Variants in MIPEP observed in about 807,000 individuals in gnomAD.
The protein encoded by MIPEP is mitochondrial intermediate peptidase.
Under a neutral mutation model 90.3 loss-of-function variants are expected in MIPEP, and 79 were observed. That is an observed-to-expected ratio of 0.87 (90% CI 0.73 to 1.05). The LOEUF is 1.05. Among genes scored for constraint, MIPEP ranks in the 50% least tolerant of loss-of-function variants. The pLI, the probability that MIPEP is intolerant of heterozygous loss-of-function variation, is 0.00. For synonymous variants in MIPEP, 334 were observed against 315.8 expected, an observed-to-expected ratio of 1.06 and a Z score of -0.61; for missense variants, 940 against 905.6, an observed-to-expected ratio of 1.04 and a Z score of -0.49.
At chr13:23,887,932 G>A (rs1314831208) in intron 1 of MIPEP, among the ~76,000 whole-genome samples, 1 of 152,026 alleles carries the variant, frequency 6.6e-6, no homozygotes, top group Non-Finnish European at 1.5e-5. Flanking sequence ...TTTGATTCAA[G>A]CACAGACTAC....
intron 18 of MIPEP, among the ~76,000 whole-genome samples, chr13:23,750,676 G>T (rs1388552857): frequency 6.6e-6 from 1 of 152,160 alleles, no homozygotes. Flanking sequence ...CATAATGAGT[G>T]GGGAGTTATG....
chr13:23,781,715 A>C (rs865852719), intron 16 of MIPEP, among the ~76,000 whole-genome samples: 2 of 152,180 alleles, frequency 1.3e-5, no homozygotes, highest in Non-Finnish European at 2.9e-5. Flanking sequence ...AATCCATCTC[A>C]TGTGCAGAGA....
chr13:23,801,705 C>T (rs1953044328), intron 16 of MIPEP, among the ~76,000 whole-genome samples: 1 of 152,140 alleles, frequency 6.6e-6, no homozygotes. Context: ...TTTGATTCAT[C>T]TGGTATTCAT....
At chr13:23,841,945 C>A (rs1329263649) in intron 10 of MIPEP, among the ~76,000 whole-genome samples, 1 of 152,026 alleles carries the variant, frequency 6.6e-6, no homozygotes, top group African/African-American at 2.4e-5. Context: ...ATTTAAAGTT[C>A]TCATCCAGTA....
At position 23,871,123 on chromosome 13, in the gene MIPEP, G is replaced by A. The variant is rs559188529; in HGVS notation, c.604-928C>T. Among the ~76,000 whole-genome samples the A allele has an allele frequency of 9.8e-5, 15 of 152,316 alleles. No homozygotes were observed. In the South Asian group the frequency reaches 2.9e-3, roughly 29 times the overall value. On this transcript the variant is annotated intron_variant, in intron 5 of 18. Transcript: ENST00000382172. Reference sequence around the variant, plus strand: ...AAGCAGACTGGAACCCCAGGGCATGGTCCTTTCTTCTACTCTGTGTCCCTG... The same window carrying A: ...AAGCAGACTGGAACCCCAGGGCATGATCCTTTCTTCTACTCTGTGTCCCTG...
chr13:23,837,732 C>T lies in MIPEP; in HGVS notation c.1363G>A (p.Gly455Ser), dbSNP rs1180084782. 1 of 1,612,918 alleles carries T rather than the reference C, an allele frequency of 6.2e-7. No individual in the cohort carries two copies. The change falls in exon 13 of 19, where the codon GGC (glycine) becomes AGC (serine). Residue 455 changes from glycine to serine, a missense_variant. Transcript: ENST00000382172. ...TAGTCTCCATCTTCCTTTAGTCTGCCTCCACGGATAGTGAAATGGCAATCC... is the reference window on the plus strand; with the variant it reads ...TAGTCTCCATCTTCCTTTAGTCTGCTTCCACGGATAGTGAAATGGCAATCC... Reference protein sequence around the residue: ...HQDCHFTIRGGRLKEDGDYQL... With the variant: ...HQDCHFTIRGSRLKEDGDYQL...
In MIPEP at chr13:23,841,385, C is replaced by A. The variant is rs1417452973; in HGVS notation, c.1210G>T (p.Ala404Ser). 1.2e-6 allele frequency: 2 copies of A among 1,613,952 alleles called. No individual in the cohort carries two copies. Among genetic ancestry groups the A allele is most frequent in the African/African-American group, 2.7e-5 (2 of 74,892 alleles). The change falls in exon 11 of 19, where the codon GCA (alanine) becomes TCA (serine). Residue 404 changes from alanine to serine, a missense_variant. Transcript: ENST00000382172. Reference sequence around the variant, plus strand: ...ACCTCTCCTTTTGCAGGCTGCTCTGCATATAATGAAATCCCCAACAGTCTG... The same window carrying A: ...ACCTCTCCTTTTGCAGGCTGCTCTGAATATAATGAAATCCCCAACAGTCTG... Reference protein sequence around the residue: ...LNRLLGISLYAEQPAKGEVWS... With the variant: ...LNRLLGISLYSEQPAKGEVWS...
At chr13:23,806,722 ATC>A (rs1297981624) in intron 15 of MIPEP, among the ~76,000 whole-genome samples, 16 of 141,008 alleles carry the variant, frequency 1.1e-4, no homozygotes, top group Admixed American at 6.8e-4. Flanking sequence ...ATCTATATCT[ATC>A]TATCTATCTA....
chr13:23,846,880 T>C (rs1365813524), intron 10 of MIPEP, among the ~76,000 whole-genome samples: 1 of 152,196 alleles, frequency 6.6e-6, no homozygotes, highest in African/African-American at 2.4e-5. Context: ...GAGTACTCAC[T>C]ATGACAGTGG....
At chr13:23,792,082 CT>C (rs907092477) in intron 16 of MIPEP, among the ~76,000 whole-genome samples, 10 of 151,160 alleles carry the variant, frequency 6.6e-5, no homozygotes, top group East Asian at 1.9e-4. Context: ...CTCAATTCAC[CT>C]TTTTTTTTGG....
intron 7 of MIPEP, among the ~76,000 whole-genome samples, chr13:23,868,966 C>G (rs759169569): frequency 6.6e-6 from 1 of 152,172 alleles, no homozygotes; most frequent in Non-Finnish European, 1.5e-5. Flanking sequence ...ATCTTTCATT[C>G]TCTTACACTA....
chr13:23,740,527 C>T (rs1952315802), intron 18 of MIPEP, among the ~76,000 whole-genome samples: 1 of 151,706 alleles, frequency 6.6e-6, no homozygotes, highest in Non-Finnish European at 1.5e-5. Context: ...AAAATCAGTT[C>T]ACCCGTTATT....
chr13:23,797,396 C>G (rs1336025804), intron 16 of MIPEP, among the ~76,000 whole-genome samples: 1 of 152,214 alleles, frequency 6.6e-6, no homozygotes, highest in Non-Finnish European at 1.5e-5. Context: ...ATTCATCACC[C>G]ATGCACTCCT....
At position 23,747,051 on chromosome 13, in the gene MIPEP, A is replaced by C. The variant is rs141659856; in HGVS notation, c.2044+9494T>G. ...AGTCTATGGCTAAGAGGTGTCGAGG[A>C]GTGCTGTGGGGCAGCAGGGGCTCTG... is the stretch of plus-strand genomic sequence containing the variant. On this transcript the variant is annotated intron_variant, in intron 18 of 18. Transcript: ENST00000382172. 1.5e-3 allele frequency among the ~76,000 whole-genome samples: 223 copies of C among 152,334 alleles called. 1 individual carries two copies. The highest frequency in any genetic ancestry group is 5.1e-3 in the African/African-American group (213 of 41,584).
intron 17 of MIPEP, 147 bp from the exon 18 acceptor site, chr13:23,756,765 A>G: frequency 1.5e-6 from 1 of 673,098 alleles, no homozygotes; most frequent in East Asian, 2.7e-5. Flanking sequence ...TTGCTTCTAA[A>G]AATCAAATTC....
intron 10 of MIPEP, among the ~76,000 whole-genome samples, chr13:23,855,731 AC>A: frequency 6.6e-6 from 1 of 152,358 alleles, no homozygotes; most frequent in Non-Finnish European, 1.5e-5. Flanking sequence ...CCCGATTCTT[AC>A]AACCCCTTCT....
At chr13:23,866,696 C>A (rs568544710) in intron 7 of MIPEP, among the ~76,000 whole-genome samples, 2 of 152,186 alleles carry the variant, frequency 1.3e-5, no homozygotes, top group Admixed American at 6.5e-5. Context: ...GGCCCCAGAG[C>A]GCAGTCCTTG....
intron 10 of MIPEP, among the ~76,000 whole-genome samples, chr13:23,852,372 C>G (rs8181878): frequency 0.75 from 114,044 of 152,116 alleles, 45,386 homozygotes; most frequent in Non-Finnish European, 0.88. Context: ...ACATAATAAA[C>G]GTATAAGACT....
At chr13:23,752,294 C>T (rs1328071115) in intron 18 of MIPEP, among the ~76,000 whole-genome samples, 2 of 152,204 alleles carry the variant, frequency 1.3e-5, no homozygotes, top group African/African-American at 2.4e-5. Context: ...CATTCACAAA[C>T]TGCTGAAGTA....
Sources: allele counts gnomAD v4.1 joint callset (sites outside exome capture counted in the v4.1 genomes callset), GRCh38; gene constraint gnomAD v4.1.1; transcripts MANE v1.5; gene names NCBI Gene and HGNC (gene_info 2026-07-23, HGNC 2026-07-21).